STK32B: variants seen among roughly 807,000 people sequenced by gnomAD.
STK32B encodes the protein serine/threonine-protein kinase 32B.
In STK32B, 43 loss-of-function variants were observed where a neutral mutation model predicts 52.6. The observed-to-expected ratio is 0.82, with a 90% CI of 0.64 to 1.05. The LOEUF is 1.05. Among genes scored for constraint, STK32B ranks in the 50% least tolerant of loss-of-function variants. The pLI, the probability that STK32B is intolerant of heterozygous loss-of-function variation, is 0.00. For missense variants in STK32B, 621 were observed against 534.6 expected (o/e 1.16, Z -1.59); for synonymous variants, 238 against 204.3 (o/e 1.17, Z -1.41).
chr4:5,080,834 C>T (rs1258619000), intron 1 of STK32B, among the ~76,000 whole-genome samples: 1 of 151,592 alleles, frequency 6.6e-6, no homozygotes, highest in African/African-American at 2.4e-5. Context: ...AAATTTCAAG[C>T]CTACAATACA....
At chr4:5,277,337 G>C (rs1727892311) in intron 3 of STK32B, among the ~76,000 whole-genome samples, 1 of 151,964 alleles carries the variant, frequency 6.6e-6, no homozygotes, top group Non-Finnish European at 1.5e-5. Flanking sequence ...TTAGAGAACA[G>C]GTCATTTCCA....
At chr4:5,112,275 A>G (rs896366642) in intron 1 of STK32B, among the ~76,000 whole-genome samples, 7 of 152,196 alleles carry the variant, frequency 4.6e-5, no homozygotes, top group Non-Finnish European at 7.3e-5. Context: ...AACAGAGTCA[A>G]TAGAATGTAG....
chr4:5,020,085 G>A, the STK32B span, among the ~76,000 whole-genome samples: 6 of 152,176 alleles, frequency 3.9e-5, no homozygotes, highest in African/African-American at 1.2e-4. Flanking sequence ...GCGGCCGTAT[G>A]TGTGGGGAGT....
At chr4:5,221,117 A>G (rs940000864) in intron 3 of STK32B, among the ~76,000 whole-genome samples, 1 of 152,092 alleles carries the variant, frequency 6.6e-6, no homozygotes. Context: ...CCTGGGAGCA[A>G]TTGATGTTCT....
At chr4:5,438,138 G>A (rs943447536) in intron 6 of STK32B, 15 of 984,530 alleles carry the variant, frequency 1.5e-5, no homozygotes, top group Middle Eastern at 5.2e-4. Context: ...TGCACCCTGC[G>A]CTATTGGAGC....
chr4:5,140,729 T>C (rs1422089081), intron 2 of STK32B, among the ~76,000 whole-genome samples: 1 of 152,134 alleles, frequency 6.6e-6, no homozygotes, highest in East Asian at 1.9e-4. Flanking sequence ...GCATGTGACT[T>C]AAGAAGTTGG....
chr4:5,039,694 C>G, the STK32B span, among the ~76,000 whole-genome samples: 3 of 152,166 alleles, frequency 2.0e-5, no homozygotes, highest in Non-Finnish European at 4.4e-5. Flanking sequence ...GTGCTAAATT[C>G]TATGATTGAC....
intron 2 of STK32B, among the ~76,000 whole-genome samples, chr4:5,156,096 T>C (rs1717809843): frequency 6.6e-6 from 1 of 151,706 alleles, no homozygotes; most frequent in South Asian, 2.1e-4. Context: ...TATATGCATA[T>C]ACATATATAC....
intron 3 of STK32B, among the ~76,000 whole-genome samples, chr4:5,299,192 C>T (rs1354070916): frequency 6.6e-6 from 1 of 151,996 alleles, no homozygotes; most frequent in South Asian, 2.1e-4. Flanking sequence ...AAATTACCCA[C>T]CTTTTGCGTT....
intron 4 of STK32B, among the ~76,000 whole-genome samples, chr4:5,370,421 A>T (rs1047517118): frequency 2.6e-5 from 4 of 152,230 alleles, no homozygotes; most frequent in African/African-American, 9.6e-5. Flanking sequence ...ATCAATGGGT[A>T]AAGATGGTTG....
chr4:5,486,204 G>A (rs1486120057), intron 11 of STK32B, among the ~76,000 whole-genome samples: 1 of 152,212 alleles, frequency 6.6e-6, no homozygotes. Flanking sequence ...TCAGAGGCAG[G>A]CTGGCCTCCT....
the STK32B span, among the ~76,000 whole-genome samples, chr4:5,023,427 G>A: frequency 1.3e-5 from 2 of 152,138 alleles, no homozygotes; most frequent in African/African-American, 2.4e-5. Flanking sequence ...GCTTGCATAC[G>A]TCCCTGGACA....
At chr4:5,125,862 C>A (rs931981078) in intron 1 of STK32B, among the ~76,000 whole-genome samples, 1 of 152,204 alleles carries the variant, frequency 6.6e-6, no homozygotes, top group Non-Finnish European at 1.5e-5. Context: ...CACAGACCCC[C>A]ACGAAGGGGC....
At chr4:5,249,415 T>C (rs2108829526) in intron 3 of STK32B, among the ~76,000 whole-genome samples, 1 of 151,826 alleles carries the variant, frequency 6.6e-6, no homozygotes, top group Admixed American at 6.6e-5. Flanking sequence ...TCTTCCTGCC[T>C]GTCTGTTCTT....
the STK32B span, among the ~76,000 whole-genome samples, chr4:5,031,910 A>G: frequency 1.9e-3 from 296 of 152,228 alleles, 2 homozygotes; most frequent in Non-Finnish European, 2.6e-3. Context: ...CTCTCACCAG[A>G]TCTGTGTCTA....
chr4:5,493,215 CTT>C (rs1239151629), intron 11 of STK32B, among the ~76,000 whole-genome samples: 3 of 152,010 alleles, frequency 2.0e-5, no homozygotes, highest in Admixed American at 2.0e-4. Flanking sequence ...GTCCTGGACT[CTT>C]TTTTCTTGGT....
At chr4:5,430,807 T>G (rs997359497) in intron 6 of STK32B, among the ~76,000 whole-genome samples, 8 of 152,186 alleles carry the variant, frequency 5.3e-5, no homozygotes, top group African/African-American at 1.9e-4. Flanking sequence ...AGAGTTGGGT[T>G]TTAGTGTGGT....
At chr4:5,053,430 G>T (rs910289849) in intron 1 of STK32B, among the ~76,000 whole-genome samples, 5 of 152,178 alleles carry the variant, frequency 3.3e-5, no homozygotes, top group African/African-American at 1.2e-4. Flanking sequence ...ACCCTCAATT[G>T]CACGGGCTTG....
At chr4:5,284,844 T>G (rs1201610008) in intron 3 of STK32B, among the ~76,000 whole-genome samples, 1 of 152,154 alleles carries the variant, frequency 6.6e-6, no homozygotes, top group Non-Finnish European at 1.5e-5. Context: ...TCATGTTTAG[T>G]GCAATACTGT....
Sources: gnomAD v4.1 joint callset for allele counts (sites outside exome capture counted in the v4.1 genomes callset) on GRCh38, gnomAD v4.1.1 for gene constraint, MANE v1.5 for transcripts, NCBI Gene and HGNC (gene_info 2026-07-23, HGNC 2026-07-21) for gene names.